The following RBFOX1 variants were observed in gnomAD, a reference collection of about 807,000 sequenced individuals.
RBFOX1 encodes RNA binding protein fox-1 homolog 1.
RBFOX1 carries 8 observed loss-of-function variants against 57.7 expected under a neutral mutation model. That is an observed-to-expected ratio of 0.14 (90% confidence interval 0.08 to 0.25). The LOEUF is 0.25. RBFOX1 is among the 10% of genes least tolerant of loss of function. The pLI is 1.00. For synonymous variants in RBFOX1, 326 were observed against 222.4 expected (o/e 1.47, Z -4.15); for missense variants, 611 against 548.5 (o/e 1.11, Z -1.14).
intron 1 of RBFOX1, among the ~76,000 whole-genome samples, chr16:5,423,595 C>G: frequency 6.6e-6 from 1 of 152,120 alleles, no homozygotes; most frequent in Non-Finnish European, 1.5e-5. Context: ...GTCTGTGAGG[C>G]CATTGCTGCC....
intron 14 of RBFOX1, among the ~76,000 whole-genome samples, chr16:7,683,070 A>C (rs2075279596): frequency 7.4e-6 from 1 of 134,244 alleles, no homozygotes; most frequent in African/African-American, 2.7e-5. Context: ...TTGATTGTAT[A>C]TTCTCCAAAA....
intron 2 of RBFOX1, among the ~76,000 whole-genome samples, chr16:6,562,654 A>C (rs1199814883): frequency 1.3e-5 from 2 of 152,188 alleles, no homozygotes; most frequent in African/African-American, 4.8e-5. Context: ...GACAAATGAG[A>C]AAGCAGCCAT....
chr16:6,202,714 A>T (rs868238086), intron 1 of RBFOX1, among the ~76,000 whole-genome samples: 1 of 152,252 alleles, frequency 6.6e-6, no homozygotes, highest in Middle Eastern at 3.4e-3. Context: ...AATGCTGTAT[A>T]TTTGTATTTA....
chr16:5,455,398 G>C (rs2068598767), intron 1 of RBFOX1, among the ~76,000 whole-genome samples: 1 of 152,086 alleles, frequency 6.6e-6, no homozygotes, highest in East Asian at 1.9e-4. Context: ...TACTCTGCTG[G>C]TTGAAGCAGT....
At chr16:5,821,071 G>A (rs955667898) in intron 3 of RBFOX1, among the ~76,000 whole-genome samples, 12 of 152,184 alleles carry the variant, frequency 7.9e-5, no homozygotes, top group Middle Eastern at 6.8e-3. Context: ...GCCCTGAGGT[G>A]CTCCTACCAG....
At chr16:6,042,225 C>T (rs1009325936) in intron 1 of RBFOX1, among the ~76,000 whole-genome samples, 2 of 151,032 alleles carry the variant, frequency 1.3e-5, no homozygotes, top group Non-Finnish European at 3.0e-5. Flanking sequence ...CTCAGCCTCC[C>T]GAGTAGCTGG....
intron 3 of RBFOX1, among the ~76,000 whole-genome samples, chr16:5,652,204 T>A (rs985455325): frequency 3.3e-5 from 5 of 152,234 alleles, no homozygotes; most frequent in Admixed American, 2.0e-4. Context: ...CCTGAGAGAT[T>A]ACTAGTCTTT....
At position 6,300,512 on chromosome 16, in the gene RBFOX1, G is replaced by C. The variant is rs147775540; in HGVS notation, c.-126-16483G>C. 4.7e-3 allele frequency among the ~76,000 whole-genome samples: 717 copies of C among 152,286 alleles called. 8 individuals are homozygous for C. Among genetic ancestry groups the C allele is most frequent in the African/African-American group, 0.017 (699 of 41,564 alleles). ...ACCTACCTCACAAAGTTATTAGCGA[G>C]ACTTGCACCTGTGGTACATATAAAG... On this transcript the variant is annotated intron_variant, in intron 1 of 15. Transcript: ENST00000550418.
chr16:7,007,567 A>G (rs928535106), intron 3 of RBFOX1, among the ~76,000 whole-genome samples: 12 of 152,310 alleles, frequency 7.9e-5, no homozygotes, highest in Middle Eastern at 3.4e-3. Context: ...TGCCTACTGT[A>G]CATTGTTAAA....
At chr16:7,543,131 A>G (rs771460875) in intron 5 of RBFOX1, among the ~76,000 whole-genome samples, 4 of 152,204 alleles carry the variant, frequency 2.6e-5, no homozygotes, top group South Asian at 2.1e-4. Flanking sequence ...GCACCCCGCC[A>G]TGCATTTAAA....
chr16:7,197,998 C>CTTTCTTTCTTTTTTTTTTTTTTTTTTTT (rs61556349), intron 4 of RBFOX1, among the ~76,000 whole-genome samples: 23 of 55,594 alleles, frequency 4.1e-4, no homozygotes, highest in Non-Finnish European at 5.1e-4. Context: ...TTCTTTCTTT[C>CTTTCTTTCTTTTTTTTTTTTTTTTTTTT]TTTTTTTTTT....
intron 3 of RBFOX1, among the ~76,000 whole-genome samples, chr16:5,689,194 G>A (rs1215366448): frequency 6.6e-6 from 1 of 152,206 alleles, no homozygotes; most frequent in Non-Finnish European, 1.5e-5. Flanking sequence ...CACAGGTGGT[G>A]CTCAGTATGG....
At chr16:7,132,427 TACACAGACACAC>T (rs1474328010) in intron 4 of RBFOX1, among the ~76,000 whole-genome samples, 2 of 128,288 alleles carry the variant, frequency 1.6e-5, no homozygotes, top group Non-Finnish European at 3.2e-5. Context: ...GAAATTGTGA[TACACAGACACAC>T]ACACACACAC....
chr16:7,503,777 T>C (rs967578076), intron 4 of RBFOX1, among the ~76,000 whole-genome samples: 25 of 152,168 alleles, frequency 1.6e-4, no homozygotes. Context: ...CTTTTGCCAA[T>C]GTTTATTTGC....
rs548072234 is a variant in RBFOX1, at chr16:5,834,526, C to A, written c.319-32777C>A. On this transcript the variant is annotated intron_variant, in intron 3 of 19. Transcript: ENST00000641259. ...CTGTTGATGGGCACTTGGTTTGTTT[C>A]ATATATTTGCAATTGTGAATGTGCC... is the stretch of plus-strand genomic sequence containing the variant. Among the ~76,000 whole-genome samples, 12 of 151,930 alleles carry A rather than the reference C, an allele frequency of 7.9e-5. 1 individual carries two copies. The highest frequency in any genetic ancestry group is 2.1e-4 in the South Asian group (1 of 4,818).
intron 4 of RBFOX1, among the ~76,000 whole-genome samples, chr16:7,135,942 A>T (rs949577879): frequency 6.6e-6 from 1 of 152,214 alleles, no homozygotes; most frequent in Admixed American, 6.5e-5. Context: ...TTGCCATTTC[A>T]TCGGAAAATA....
chr16:6,418,218 G>T (rs945768547), intron 2 of RBFOX1, among the ~76,000 whole-genome samples: 1 of 152,196 alleles, frequency 6.6e-6, no homozygotes, highest in South Asian at 2.1e-4. Flanking sequence ...GGCTTGGAGA[G>T]ACCATATGGC....
chr16:5,239,722 C>A (rs2062114799), upstream of RBFOX1: 2 of 170,566 alleles, frequency 1.2e-5, no homozygotes, highest in South Asian at 1.3e-4. Context: ...GCAGAGGGCG[C>A]CAGAGAGCCA....
intron 3 of RBFOX1, among the ~76,000 whole-genome samples, chr16:5,795,247 T>A (rs891741315): frequency 2.6e-4 from 40 of 152,162 alleles, no homozygotes; most frequent in Non-Finnish European, 5.9e-5. Context: ...CCAGTGACAC[T>A]TGGTTCCTGT....
Sources: allele counts gnomAD v4.1 joint callset (sites outside exome capture counted in the v4.1 genomes callset), GRCh38; gene constraint gnomAD v4.1.1; transcripts MANE v1.5; gene names NCBI Gene and HGNC (gene_info 2026-07-23, HGNC 2026-07-21).